The following CACNB4 variants were observed in gnomAD, a reference collection of about 807,000 sequenced individuals.
CACNB4 encodes the protein voltage-dependent L-type calcium channel subunit beta-4.
Under a neutral mutation model 71.2 loss-of-function variants are expected in CACNB4, and 32 were observed. The observed-to-expected ratio is 0.45, with a 90% CI of 0.34 to 0.60. CACNB4 has a LOEUF of 0.60. CACNB4 is among the 20% of genes least tolerant of loss of function. CACNB4 has a pLI of 0.01. For missense variants in CACNB4, 464 were observed against 647.9 expected, an observed-to-expected ratio of 0.72 and a Z score of 3.08; for synonymous variants, 231 against 236.9, an observed-to-expected ratio of 0.97 and a Z score of 0.23.
intron 2 of CACNB4, among the ~76,000 whole-genome samples, chr2:152,067,164 T>TA (rs1346178178): frequency 1.3e-5 from 2 of 151,330 alleles, no homozygotes; most frequent in African/African-American, 4.9e-5. Context: ...ATTAATTAAT[T>TA]AAAAAAAAGA....
intron 2 of CACNB4, among the ~76,000 whole-genome samples, chr2:152,019,467 T>C (rs575645650): frequency 6.6e-5 from 10 of 152,254 alleles, no homozygotes; most frequent in Admixed American, 2.6e-4. Context: ...TGGCACATCA[T>C]AGCTACTCAG....
chr2:151,955,225 G>A (rs866288765), intron 2 of CACNB4, among the ~76,000 whole-genome samples: 5 of 152,136 alleles, frequency 3.3e-5, no homozygotes, highest in South Asian at 4.1e-4. Flanking sequence ...AATTACACTC[G>A]TCATTTCCTC....
At chr2:151,983,539 T>C (rs1264468634) in intron 2 of CACNB4, among the ~76,000 whole-genome samples, 1 of 152,082 alleles carries the variant, frequency 6.6e-6, no homozygotes, top group Non-Finnish European at 1.5e-5. Flanking sequence ...ACAGTATAAA[T>C]TTGGAGCCAA....
intron 2 of CACNB4, among the ~76,000 whole-genome samples, chr2:152,059,724 G>A (rs534326220): frequency 1.3e-5 from 2 of 152,334 alleles, no homozygotes; most frequent in South Asian, 4.1e-4. Flanking sequence ...TGTTGGAAAG[G>A]CATGATTTGT....
At chr2:152,044,812 G>T (rs796213012) in intron 2 of CACNB4, among the ~76,000 whole-genome samples, 5 of 152,114 alleles carry the variant, frequency 3.3e-5, no homozygotes, top group African/African-American at 1.2e-4. Flanking sequence ...AACTGCTACC[G>T]TGGGTCTCGT....
chr2:151,947,519 G>A (rs942693520), intron 2 of CACNB4, among the ~76,000 whole-genome samples: 2 of 152,112 alleles, frequency 1.3e-5, no homozygotes, highest in South Asian at 4.1e-4. Context: ...TAAGAATTCC[G>A]CATCACACAT....
chr2:151,849,256 C>T (rs772639611), intron 12 of CACNB4, among the ~76,000 whole-genome samples: 3 of 152,112 alleles, frequency 2.0e-5, no homozygotes, highest in Non-Finnish European at 4.4e-5. Context: ...ATTTAGGCAG[C>T]CTCTGTGATT....
intron 2 of CACNB4, among the ~76,000 whole-genome samples, chr2:152,023,346 A>G (rs1683779745): frequency 6.6e-6 from 1 of 152,114 alleles, no homozygotes. Flanking sequence ...GAGCCAAACC[A>G]TATCAAGGAG....
In CACNB4 at chr2:151,960,745, C is replaced by T. The variant is rs183525787; in HGVS notation, c.148-77375G>A. Among the ~76,000 whole-genome samples, 6 of 152,336 alleles carry T rather than the reference C, an allele frequency of 3.9e-5. No homozygotes were observed. The East Asian group carries it at 1.2e-3, about 29-fold the overall frequency. On this transcript the variant is annotated intron_variant, in intron 2 of 13. Transcript: ENST00000539935. ...GAGGGCATGAATCTACTCCCTTCCA[C>T]ATTTTGTAAGTCTTAGCAATGGAAA...
intron 2 of CACNB4, among the ~76,000 whole-genome samples, chr2:151,979,744 C>T (rs1393471888): frequency 4.6e-5 from 7 of 152,146 alleles, no homozygotes; most frequent in East Asian, 1.9e-4. Context: ...ACAGGGATGG[C>T]GTGGCAGCAA....
At chr2:151,992,338 G>C (rs1172508233) in intron 2 of CACNB4, among the ~76,000 whole-genome samples, 2 of 152,196 alleles carry the variant, frequency 1.3e-5, no homozygotes, top group African/African-American at 4.8e-5. Flanking sequence ...TTTTCAAAAA[G>C]CACGATTTCC....
chr2:151,984,898 T>C (rs888151839), intron 2 of CACNB4, among the ~76,000 whole-genome samples: 1 of 152,220 alleles, frequency 6.6e-6, no homozygotes, highest in African/African-American at 2.4e-5. Flanking sequence ...TGATCCAGCT[T>C]CCTGTTTCTT....
At chr2:151,860,951 A>G (rs534094608) in intron 9 of CACNB4, 131 bp from the exon 10 acceptor site, 8 of 639,252 alleles carry the variant, frequency 1.3e-5, no homozygotes, top group Non-Finnish European at 2.2e-5. Flanking sequence ...AACATTGGCC[A>G]CAAGTATTTT....
chr2:152,060,717 C>T (rs939300583), intron 2 of CACNB4, among the ~76,000 whole-genome samples: 2 of 151,696 alleles, frequency 1.3e-5, no homozygotes, highest in African/African-American at 2.4e-5. Flanking sequence ...GCAACAGGGG[C>T]AAGTTAAATA....
chr2:151,847,221 A>C (rs914539437), intron 12 of CACNB4, among the ~76,000 whole-genome samples: 3 of 152,042 alleles, frequency 2.0e-5, no homozygotes, highest in Non-Finnish European at 4.4e-5. Flanking sequence ...CTCTACAAAA[A>C]ATCAAAAAAT....
intron 2 of CACNB4, among the ~76,000 whole-genome samples, chr2:152,039,545 T>C (rs181170798): frequency 9.8e-5 from 15 of 152,330 alleles, no homozygotes; most frequent in Non-Finnish European, 1.9e-4. Context: ...AGCCCTAGAA[T>C]ATTCTTGTTT....
intron 2 of CACNB4, among the ~76,000 whole-genome samples, chr2:151,943,265 T>G (rs1033092227): frequency 1.3e-5 from 2 of 152,196 alleles, no homozygotes; most frequent in Non-Finnish European, 2.9e-5. Context: ...AGAACCTACG[T>G]TGAAATATTG....
chr2:151,974,615 C>G (rs750892254), intron 2 of CACNB4, among the ~76,000 whole-genome samples: 1 of 152,144 alleles, frequency 6.6e-6, no homozygotes, highest in African/African-American at 2.4e-5. Context: ...AATGTCTTCA[C>G]GTAAATTCTT....
chr2:151,869,895 C>T (rs1466216349), intron 8 of CACNB4: 2 of 343,650 alleles, frequency 5.8e-6, no homozygotes, highest in Non-Finnish European at 1.1e-5. Context: ...GGCTGCTCAC[C>T]TTCAGAGTTT....
Sources: allele counts gnomAD v4.1 joint callset (sites outside exome capture counted in the v4.1 genomes callset), GRCh38; gene constraint gnomAD v4.1.1; transcripts MANE v1.5; gene names NCBI Gene and HGNC (gene_info 2026-07-23, HGNC 2026-07-21).